The following METTL16 variants were observed in gnomAD, a reference collection of about 807,000 sequenced individuals.
METTL16 encodes methyltransferase 16, RNA N6-adenosine.
In METTL16, 19 loss-of-function variants were observed where a neutral mutation model predicts 57.9. The observed-to-expected ratio is 0.33, with a 90% confidence interval of 0.23 to 0.48. The LOEUF (loss-of-function observed/expected upper bound fraction) is 0.48. METTL16 is among the 20% of genes least tolerant of loss of function. The pLI, the probability that METTL16 is intolerant of heterozygous loss-of-function variation, is 0.99. For synonymous variants in METTL16, 246 were observed against 255.6 expected (o/e 0.96, Z 0.36); for missense variants, 434 against 691.5 (o/e 0.63, Z 4.18).
chr17:2,473,170 CAACA>C (rs959224454), intron 4 of METTL16, among the ~76,000 whole-genome samples: 3 of 152,044 alleles, frequency 2.0e-5, no homozygotes, highest in Non-Finnish European at 2.9e-5. Flanking sequence ...AAAATAAACT[CAACA>C]AACAAACAAA....
At chr17:2,487,009 A>G (rs2067347779) in intron 2 of METTL16, among the ~76,000 whole-genome samples, 1 of 150,504 alleles carries the variant, frequency 6.6e-6, no homozygotes, top group African/African-American at 2.4e-5. Context: ...GTCTCAAAAA[A>G]AAAAAAAAAA....
At chr17:2,503,709 T>C (rs564483260) in intron 1 of METTL16, among the ~76,000 whole-genome samples, 25 of 151,144 alleles carry the variant, frequency 1.7e-4, no homozygotes, top group Non-Finnish European at 2.8e-4. Context: ...CAACAAAATA[T>C]GGTATATCCA....
intron 8 of METTL16, among the ~76,000 whole-genome samples, chr17:2,431,584 C>T (rs1192026514): frequency 1.3e-5 from 2 of 152,068 alleles, no homozygotes; most frequent in African/African-American, 4.8e-5. Flanking sequence ...AGTTGACACC[C>T]AGCTGCATGA....
In METTL16 at chr17:2,489,735, A is replaced by AAAAAAAAAAC. The variant is rs1420484259; in HGVS notation, c.129-11851_129-11850insGTTTTTTTTT. ...GCCTGGATGACAGAGCGAGACTCAAAAAAAAAAAAAAAAACGAATACTGCG... is the reference window on the plus strand; with the variant it reads ...GCCTGGATGACAGAGCGAGACTCAAAAAAAAAAAACAAAAAAAAAAAAAACGAATACTGCG... On this transcript the variant is annotated intron_variant, in intron 2 of 9. Coordinates refer to ENST00000263092, the MANE Select transcript of METTL16 (RefSeq NM_024086.4). Among the ~76,000 whole-genome samples, 15 of 149,328 alleles carry AAAAAAAAAAC rather than the reference A, an allele frequency of 1.0e-4. 4 individuals are homozygous for AAAAAAAAAAC. The highest frequency in any genetic ancestry group is 2.9e-4 in the African/African-American group (12 of 40,726).
chr17:2,435,886 G>C (rs1372156279), intron 8 of METTL16, among the ~76,000 whole-genome samples: 3 of 152,094 alleles, frequency 2.0e-5, no homozygotes, highest in Non-Finnish European at 4.4e-5. Flanking sequence ...GAGGAGAGGA[G>C]GGGAGGGAAG....
intron 1 of METTL16, among the ~76,000 whole-genome samples, chr17:2,507,540 C>T (rs1330247783): frequency 5.3e-5 from 8 of 150,284 alleles, no homozygotes; most frequent in Non-Finnish European, 8.9e-5. Flanking sequence ...CCGCCCCATC[C>T]GGGAGGTGAG....
intron 2 of METTL16, among the ~76,000 whole-genome samples, chr17:2,490,007 G>A (rs953378343): frequency 6.6e-6 from 1 of 152,060 alleles, no homozygotes; most frequent in African/African-American, 2.4e-5. Flanking sequence ...TATGAAGAGC[G>A]TTCCTCAATA....
chr17:2,483,885 C>T (rs900025184), intron 2 of METTL16, among the ~76,000 whole-genome samples: 2 of 152,180 alleles, frequency 1.3e-5, no homozygotes, highest in African/African-American at 2.4e-5. Context: ...TTACATATGA[C>T]GAAGAAGTTC....
intron 2 of METTL16, among the ~76,000 whole-genome samples, chr17:2,499,494 G>A (rs2067472047): frequency 6.6e-6 from 1 of 151,680 alleles, no homozygotes. Flanking sequence ...AAAGCTACTA[G>A]GATCAACATC....
At chr17:2,467,591 A>G (rs1428480981) in intron 5 of METTL16, among the ~76,000 whole-genome samples, 170 bp downstream of exon 5, 1 of 152,090 alleles carries the variant, frequency 6.6e-6, no homozygotes, top group Non-Finnish European at 1.5e-5. Flanking sequence ...ACGCCTGGCT[A>G]ATTTTTTTGT....
chr17:2,451,497 T>G (rs1481101245), intron 6 of METTL16, among the ~76,000 whole-genome samples: 3 of 152,016 alleles, frequency 2.0e-5, no homozygotes, highest in African/African-American at 7.2e-5. Context: ...GGTGCGCACC[T>G]GTAGTTCCAG....
intron 2 of METTL16, among the ~76,000 whole-genome samples, chr17:2,495,801 G>A (rs759154241): frequency 6.7e-6 from 1 of 149,608 alleles, no homozygotes; most frequent in Non-Finnish European, 1.5e-5. Context: ...AAAATAGCAA[G>A]AGAACTAGAA....
At chr17:2,473,451 G>A in intron 4 of METTL16, 73 bp downstream of exon 4, 2 of 1,486,974 alleles carry the variant, frequency 1.3e-6, no homozygotes, top group Non-Finnish European at 1.8e-6. Context: ...AAAGAAAAAG[G>A]TAATGAAATG....
At chr17:2,472,144 C>G (rs116138215) in intron 4 of METTL16, among the ~76,000 whole-genome samples, 289 of 149,640 alleles carry the variant, frequency 1.9e-3, no homozygotes, top group African/African-American at 6.8e-3. Flanking sequence ...AAGGCCTGAA[C>G]AGACATCTCA....
rs1055806477 is a variant in METTL16, at chr17:2,416,367, G to T, written c.*3603C>A. ...CATCTTTTCCACTCCTTGCAGTTTT[G>T]TTATTCCTGTCACAACTTAGAAGTT... On this transcript the variant is annotated 3_prime_UTR_variant, in exon 10 of 10. Coordinates refer to ENST00000263092, the MANE Select transcript of METTL16 (RefSeq NM_024086.4). 3 of 152,202 alleles carry T rather than the reference G, an allele frequency of 2.0e-5. No individual in the cohort carries two copies. Among genetic ancestry groups the T allele is most frequent in the African/African-American group, 4.8e-5 (2 of 41,434 alleles). The allele number at this position is 152,202 out of a possible 1,614,324, so 9.4% of individuals were successfully genotyped here.
intron 2 of METTL16, among the ~76,000 whole-genome samples, chr17:2,500,360 TCCA>T (rs2067478513): frequency 6.6e-6 from 1 of 152,034 alleles, no homozygotes; most frequent in Non-Finnish European, 1.5e-5. Context: ...CACTGCAACC[TCCA>T]CCTCTCAGGT....
intron 6 of METTL16, among the ~76,000 whole-genome samples, chr17:2,445,637 TTAG>T (rs1363009905): frequency 6.6e-6 from 1 of 151,728 alleles, no homozygotes; most frequent in Non-Finnish European, 1.5e-5. Context: ...AATACAAAAA[TTAG>T]ACAGGTGTGG....
intron 1 of METTL16, among the ~76,000 whole-genome samples, chr17:2,510,005 A>T (rs913238907): frequency 1.5e-4 from 23 of 151,980 alleles, no homozygotes; most frequent in Middle Eastern, 6.8e-3. Flanking sequence ...TGAACCCAGG[A>T]GGTGGAGGTT....
intron 8 of METTL16, among the ~76,000 whole-genome samples, chr17:2,431,283 T>C (rs892427360): frequency 1.3e-5 from 2 of 152,228 alleles, no homozygotes; most frequent in African/African-American, 4.8e-5. Context: ...TTCATTCATA[T>C]TGTTGTGAAG....
Sources: allele counts gnomAD v4.1 joint callset (sites outside exome capture counted in the v4.1 genomes callset), GRCh38; gene constraint gnomAD v4.1.1; transcripts MANE v1.5; gene names NCBI Gene and HGNC (gene_info 2026-07-23, HGNC 2026-07-21).